Variants in CROCC observed in about 807,000 individuals in gnomAD.
CROCC encodes the protein rootletin.
A neutral mutation model predicts 245.2 loss-of-function variants in CROCC; 180 were observed. The ratio of observed to expected loss-of-function variants is 0.73; its 90% CI spans 0.65 to 0.83. The LOEUF is 0.83. Among genes scored for constraint, CROCC ranks in the 40% least tolerant of loss-of-function variants. The pLI is 0.00. For synonymous variants in CROCC, 1,205 were observed against 1,241.6 expected (o/e 0.97, Z 0.62); for missense variants, 2,688 against 2,779.4 (o/e 0.97, Z 0.74).
intron 3 of CROCC, among the ~76,000 whole-genome samples, chr1:16,926,664 G>A (rs1210085424): frequency 1.1e-4 from 16 of 152,380 alleles, no homozygotes; most frequent in African/African-American, 3.8e-4. Flanking sequence ...CCCCATGGGG[G>A]TCCCCCCTTC....
intron 36 of CROCC, 62 bp from the exon 37 acceptor site, chr1:16,972,298 C>A: frequency 7.4e-7 from 1 of 1,355,176 alleles, no homozygotes; most frequent in Non-Finnish European, 1.1e-6. Context: ...TTCCCTGCTG[C>A]CTCCCTTTCT....
chr1:16,962,642 G>T (rs998237136), intron 27 of CROCC, among the ~76,000 whole-genome samples: 155 of 150,490 alleles, frequency 1.0e-3, no homozygotes, highest in Non-Finnish European at 7.2e-4. Context: ...CCAAAGTGCT[G>T]GGATTAAAGG....
intron 19 of CROCC, 126 bp downstream of exon 19, chr1:16,949,052 C>T: frequency 1.6e-6 from 2 of 1,246,304 alleles, no homozygotes; most frequent in South Asian, 3.1e-5. Flanking sequence ...GGTTCCAGTC[C>T]TGTGCCACCA....
At chr1:16,947,867 C>T (rs1375970783) in intron 17 of CROCC, among the ~76,000 whole-genome samples, 1 of 152,194 alleles carries the variant, frequency 6.6e-6, no homozygotes, top group Non-Finnish European at 1.5e-5. Context: ...CAGACAGAGT[C>T]TTGCTCTGTT....
At position 16,960,835 on chromosome 1, in the gene CROCC, G is replaced by A. The variant is rs779226716; in HGVS notation, c.4110G>A (p.Leu1370=). ...RTRERRLLGS[L]EEARGTEKQQ... ...GCGAGCGACGCCTGCTGGGCTCCCTGGAGGAGGCGCGTGGCACTGAAAAGC... is the reference window on the plus strand; with the variant it reads ...GCGAGCGACGCCTGCTGGGCTCCCTAGAGGAGGCGCGTGGCACTGAAAAGC... The change falls in exon 27 of 37, where the codon CTG becomes CTA. Residue 1370 remains leucine (L), a synonymous_variant. Coordinates refer to ENST00000375541, the MANE Select transcript of CROCC (RefSeq NM_014675.5). The A allele has an allele frequency of 6.6e-7, 1 of 1,519,344 alleles. No homozygotes were observed. The highest frequency in any genetic ancestry group is 1.2e-5 in the South Asian group (1 of 82,608). 94.1% of individuals were successfully genotyped at this position (1,519,344 alleles called of 1,614,324 possible).
intron 8 of CROCC, among the ~76,000 whole-genome samples, chr1:16,934,301 A>G (rs1209304824): frequency 6.6e-6 from 1 of 152,044 alleles, no homozygotes; most frequent in Non-Finnish European, 1.5e-5. Flanking sequence ...TTATGGACTG[A>G]AAATACATTT....
In CROCC at chr1:16,972,435, C is replaced by T. The variant is rs2076537455; in HGVS notation, c.6043C>T (p.Pro2015Ser). 6.2e-7 allele frequency: 1 copy of T among 1,612,594 alleles called. No individual in the cohort carries two copies. Among genetic ancestry groups the T allele is most frequent in the African/African-American group, 1.3e-5 (1 of 74,852 alleles). ...ACCCTTCTCCCCACCCTCCGGCCCC[C>T]CAGAGAAATGAGCTCCTGCTGGCAT... ...SAPFSPPSGP[P>S]EK Residue 2015 changes from proline to serine, a missense_variant, in exon 37 of 37, where the codon CCA becomes TCA. Pro to Ser is a moderately conservative substitution (Grantham distance 74). This residue lies in a region of CROCC where 1,218 missense variants were observed against 1,286.3 expected (regional missense o/e 0.95). Coordinates refer to ENST00000375541, the MANE Select transcript of CROCC (RefSeq NM_014675.5).
chr1:16,970,197 C>A, intron 33 of CROCC, 56 bp from the exon 34 acceptor site: 1 of 1,461,640 alleles, frequency 6.8e-7, no homozygotes, highest in Admixed American at 2.4e-5. Flanking sequence ...CCCCAAGCTT[C>A]AGATAAGTAT....
intron 2 of CROCC, among the ~76,000 whole-genome samples, chr1:16,923,721 C>A (rs1280507711): frequency 1.4e-5 from 2 of 141,360 alleles, no homozygotes; most frequent in Non-Finnish European, 3.0e-5. Context: ...CGCTGTGTTG[C>A]CCAGGCTGGA....
At chr1:16,969,461 A>C (rs2076476154) in intron 32 of CROCC, 121 bp downstream of exon 32, 2 of 1,043,622 alleles carry the variant, frequency 1.9e-6, no homozygotes, top group Non-Finnish European at 2.8e-6. Context: ...AGCCAATGAG[A>C]GCAGGCTTTG....
At chr1:16,931,488 C>T (rs566537946) in intron 8 of CROCC, 91 bp downstream of exon 8, 199 of 1,246,710 alleles carry the variant, frequency 1.6e-4, no homozygotes, top group Middle Eastern at 7.5e-4. Context: ...TTCAACTCAA[C>T]GCACTTACTG....
intron 3 of CROCC, among the ~76,000 whole-genome samples, chr1:16,928,918 C>T (rs1325144448): frequency 6.6e-6 from 1 of 152,224 alleles, no homozygotes; most frequent in African/African-American, 2.4e-5. Context: ...CCTCCGCCTC[C>T]CAGGTTCAAG....
intron 25 of CROCC, among the ~76,000 whole-genome samples, chr1:16,957,423 A>G (rs2100513049): frequency 6.6e-6 from 1 of 152,148 alleles, no homozygotes; most frequent in South Asian, 2.1e-4. Flanking sequence ...AAGTTTTTAA[A>G]CTTTTAATTT....
In CROCC at chr1:16,972,443, A is replaced by G. The variant is rs771404858; in HGVS notation, c.6051A>G (p.Lys2017=). The G allele has an allele frequency of 1.2e-6, 2 of 1,611,856 alleles. No homozygotes were observed. The highest frequency in any genetic ancestry group is 2.2e-5 in the South Asian group (2 of 90,742). The stretch of plus-strand genomic sequence containing the variant: ...CCCCACCCTCCGGCCCCCCAGAGAA[A>G]TGAGCTCCTGCTGGCATCTGGAGAA... ...PFSPPSGPPE[K] is the part of the protein sequence containing the mutation. Residue 2017 remains lysine, a synonymous_variant, in exon 37 of 37, where the codon AAA becomes AAG. Coordinates refer to ENST00000375541, the MANE Select transcript of CROCC (RefSeq NM_014675.5).
At chr1:16,949,915 A>ATGCATCACCATGCC (rs1459623396) in intron 19 of CROCC, among the ~76,000 whole-genome samples, 3 of 146,712 alleles carry the variant, frequency 2.0e-5, no homozygotes, top group Non-Finnish European at 3.0e-5. Context: ...GATTACAGGC[A>ATGCATCACCATGCC]TGCATCACCA....
chr1:16,935,412 T>A (rs2075766651), intron 8 of CROCC, among the ~76,000 whole-genome samples: 1 of 152,182 alleles, frequency 6.6e-6, no homozygotes, highest in Non-Finnish European at 1.5e-5. Context: ...TCTCCACTGG[T>A]TTTTTTGTTT....
intron 13 of CROCC, among the ~76,000 whole-genome samples, chr1:16,941,657 G>A (rs190899117): frequency 4.1e-4 from 62 of 152,196 alleles, no homozygotes; most frequent in Non-Finnish European, 6.6e-4. Context: ...GCCTGAACCC[G>A]GGAGGCGGAG....
chr1:16,948,670 C>T, intron 18 of CROCC, 129 bp from the exon 19 acceptor site: 12 of 1,527,908 alleles, frequency 7.9e-6, no homozygotes, highest in Non-Finnish European at 1.1e-5. Flanking sequence ...CAGGCTTCCC[C>T]AGGGAGTGTG....
intron 13 of CROCC, 129 bp downstream of exon 13, chr1:16,940,222 T>C: frequency 9.8e-7 from 1 of 1,025,410 alleles, no homozygotes. Flanking sequence ...CTATTAACGT[T>C]TATTTATTTA....
Sources: gnomAD v4.1 joint callset for allele counts (sites outside exome capture counted in the v4.1 genomes callset) on GRCh38, gnomAD v4.1.1 for gene constraint, gnomAD v4.1.1 regional missense constraint, MANE v1.5 for transcripts, NCBI Gene and HGNC (gene_info 2026-07-23, HGNC 2026-07-21) for gene names.